The following NRG1 variants were observed in gnomAD, a reference collection of about 807,000 sequenced individuals.
The protein encoded by NRG1 is neuregulin 1, also known as pro-neuregulin-1, membrane-bound isoform.
Under a neutral mutation model 63.8 loss-of-function variants are expected in NRG1, and 18 were observed. The ratio of observed to expected loss-of-function variants is 0.28; its 90% CI spans 0.19 to 0.42. The LOEUF (loss-of-function observed/expected upper bound fraction) is 0.42, where lower values mean the gene tolerates loss of function less well. Ranked by LOEUF, NRG1 falls within the 10% of genes least tolerant of loss-of-function variation. NRG1 has a pLI of 1.00. For synonymous variants in NRG1, 302 were observed against 301.3 expected (o/e 1.00, Z -0.02); for missense variants, 762 against 814.7 (o/e 0.94, Z 0.79).
chr8:32,541,342 TGTG>T (rs940883520), intron 1 of NRG1, among the ~76,000 whole-genome samples: 16 of 152,256 alleles, frequency 1.1e-4, no homozygotes, highest in African/African-American at 3.6e-4. Flanking sequence ...AAAGAGTAAT[TGTG>T]GTATTATTAC....
At chr8:31,850,156 C>G (rs938002404) in intron 1 of NRG1, among the ~76,000 whole-genome samples, 1 of 152,072 alleles carries the variant, frequency 6.6e-6, no homozygotes, top group Non-Finnish European at 1.5e-5. Flanking sequence ...ACACCAGGAG[C>G]AATTCCCAAA....
chr8:32,733,219 A>C (rs188471332), intron 6 of NRG1, among the ~76,000 whole-genome samples: 1 of 152,302 alleles, frequency 6.6e-6, no homozygotes, highest in Non-Finnish European at 1.5e-5. Flanking sequence ...AATATTTCTG[A>C]TCATTAGTTT....
intron 1 of NRG1, 26 bp from the exon 2 acceptor site, chr8:32,595,802 T>C (rs1563731482): frequency 3.1e-6 from 5 of 1,595,026 alleles, no homozygotes; most frequent in Non-Finnish European, 2.6e-6. Context: ...ATCAGAGTTG[T>C]TTTTCATTCT....
rs5890599 is a variant in NRG1, at chr8:31,832,249, G to GTTT, written c.37+192834_37+192836dup. Among the ~76,000 whole-genome samples the GTTT allele has an allele frequency of 4.0e-3, 546 of 136,134 alleles. 6 individuals carry two copies. Among genetic ancestry groups the GTTT allele is most frequent in the Middle Eastern group, 0.023 (6 of 256 alleles). The allele number at this position is 136,134 out of a possible 152,430, so 89.3% of individuals were successfully genotyped here. On this transcript the variant is annotated intron_variant, in intron 1 of 10. Coordinates refer to the NRG1 transcript ENST00000519301. ...AATAAGCCAGCCATTAAATGCTCTA[G>GTTT]TTTTTTTTTTTTTTTTTTCTTGAGA...
chr8:32,493,232 C>T (rs142604750), intron 1 of NRG1, among the ~76,000 whole-genome samples: 10 of 152,188 alleles, frequency 6.6e-5, no homozygotes, highest in Admixed American at 4.6e-4. Flanking sequence ...ACTAGTGACT[C>T]GCACCCATTA....
chr8:32,239,826 C>T (rs1239249113), intron 1 of NRG1, among the ~76,000 whole-genome samples: 1 of 152,068 alleles, frequency 6.6e-6, no homozygotes, highest in Non-Finnish European at 1.5e-5. Flanking sequence ...TATCATTAGC[C>T]ATTAGGAATA....
intron 7 of NRG1, 62 bp from the exon 8 acceptor site, chr8:32,754,310 T>C (rs1012243570): frequency 9.2e-6 from 13 of 1,417,248 alleles, no homozygotes; most frequent in East Asian, 6.9e-5. Context: ...CACTGTTTGG[T>C]TGTAGTCAGT....
chr8:31,688,647 T>A (rs1199113382), intron 1 of NRG1, among the ~76,000 whole-genome samples: 1 of 152,224 alleles, frequency 6.6e-6, no homozygotes, highest in Non-Finnish European at 1.5e-5. Context: ...GATTATATTT[T>A]TATTTACAAA....
intron 1 of NRG1, among the ~76,000 whole-genome samples, chr8:31,755,526 T>C (rs1038024510): frequency 3.3e-5 from 5 of 152,116 alleles, no homozygotes; most frequent in Non-Finnish European, 7.4e-5. Context: ...TCACATGCCA[T>C]ACTCTTAGAG....
At chr8:32,070,771 T>C (rs1825642223) in intron 1 of NRG1, among the ~76,000 whole-genome samples, 1 of 152,216 alleles carries the variant, frequency 6.6e-6, no homozygotes. Flanking sequence ...TTTTACAGCA[T>C]ATATCAGACC....
At chr8:31,909,926 G>A (rs1467013960) in intron 1 of NRG1, among the ~76,000 whole-genome samples, 2 of 152,134 alleles carry the variant, frequency 1.3e-5, no homozygotes, top group Non-Finnish European at 2.9e-5. Flanking sequence ...GTGATGTGAG[G>A]TCAAGAGGGT....
chr8:32,093,419 A>G (rs1450915883), intron 1 of NRG1, among the ~76,000 whole-genome samples: 1 of 152,248 alleles, frequency 6.6e-6, no homozygotes. Flanking sequence ...TGAAAAAACT[A>G]GTGCTAAAAT....
intron 1 of NRG1, among the ~76,000 whole-genome samples, chr8:31,787,365 A>C (rs1249803766): frequency 6.6e-6 from 1 of 152,054 alleles, no homozygotes; most frequent in African/African-American, 2.4e-5. Context: ...CAGGGATTTA[A>C]ATAATGATTA....
intron 1 of NRG1, among the ~76,000 whole-genome samples, chr8:31,809,984 A>G (rs1406174166): frequency 2.0e-5 from 3 of 151,838 alleles, no homozygotes; most frequent in Non-Finnish European, 4.4e-5. Context: ...CTGAACTTCC[A>G]CAGAAGGATG....
At chr8:31,998,162 C>T (rs1208986738) in intron 1 of NRG1, among the ~76,000 whole-genome samples, 2 of 151,924 alleles carry the variant, frequency 1.3e-5, no homozygotes, top group South Asian at 2.1e-4. Context: ...TTGGGTAACA[C>T]AAGGTGAAAT....
chr8:32,548,871 C>T (rs1833505748), intron 1 of NRG1, 45 bp downstream of exon 1: 3 of 1,512,464 alleles, frequency 2.0e-6, no homozygotes, highest in Non-Finnish European at 2.6e-6. Context: ...TCCTCCTGCT[C>T]CTCCTACTCC....
chr8:32,758,604 G>T (rs1830099432), intron 9 of NRG1, among the ~76,000 whole-genome samples: 1 of 134,368 alleles, frequency 7.4e-6, no homozygotes. Flanking sequence ...AAAAAAAAAG[G>T]AGAAGAAAAG....
chr8:32,368,950 G>A (rs943519533), intron 1 of NRG1, among the ~76,000 whole-genome samples: 3 of 152,168 alleles, frequency 2.0e-5, no homozygotes, highest in Non-Finnish European at 2.9e-5. Context: ...CTATACACCT[G>A]TAACATGCAT....
chr8:32,740,190 CTT>C (rs35219061), intron 6 of NRG1, among the ~76,000 whole-genome samples: 1 of 92,516 alleles, frequency 1.1e-5, no homozygotes, highest in East Asian at 3.4e-4. Flanking sequence ...GACCCAACCT[CTT>C]TTTTTTTTTT....
Sources: gnomAD v4.1 joint callset for allele counts (sites outside exome capture counted in the v4.1 genomes callset) on GRCh38, gnomAD v4.1.1 for gene constraint, MANE v1.5 for transcripts, NCBI Gene and HGNC (gene_info 2026-07-23, HGNC 2026-07-21) for gene names.